Variants in SLCO3A1 observed in about 807,000 individuals in gnomAD.
The protein encoded by SLCO3A1 is solute carrier organic anion transporter family member 3A1, also known as PGE1 transporter.
In SLCO3A1, 27 loss-of-function variants were observed where a neutral mutation model predicts 63.1. The ratio of observed to expected loss-of-function variants is 0.43; its 90% CI spans 0.32 to 0.59. The LOEUF is 0.59. Ranked by LOEUF, SLCO3A1 falls within the 20% of genes least tolerant of loss-of-function variation. SLCO3A1 has a pLI of 0.09. For missense variants in SLCO3A1, 773 were observed against 945.8 expected, an observed-to-expected ratio of 0.82 and a Z score of 2.40; for synonymous variants, 473 against 409.9, an observed-to-expected ratio of 1.15 and a Z score of -1.86.
intron 9 of SLCO3A1, among the ~76,000 whole-genome samples, chr15:92,161,273 C>A (rs530420670): frequency 1.3e-5 from 2 of 152,310 alleles, no homozygotes; most frequent in African/African-American, 4.8e-5. Flanking sequence ...ACACTCTCCC[C>A]CTTCACTCAG....
chr15:92,085,086 A>G (rs2047389436), intron 2 of SLCO3A1, among the ~76,000 whole-genome samples: 2 of 152,194 alleles, frequency 1.3e-5, no homozygotes, highest in East Asian at 1.9e-4. Flanking sequence ...GTAGCACACT[A>G]CTTTTCAGAT....
At chr15:92,121,771 C>T (rs543648955) in intron 5 of SLCO3A1, among the ~76,000 whole-genome samples, 3 of 152,278 alleles carry the variant, frequency 2.0e-5, no homozygotes, top group African/African-American at 7.2e-5. Context: ...AAAAGAAATG[C>T]AGAGAATGTG....
At chr15:92,018,923 G>C (rs574098408) in intron 2 of SLCO3A1, among the ~76,000 whole-genome samples, 1 of 152,296 alleles carries the variant, frequency 6.6e-6, no homozygotes, top group African/African-American at 2.4e-5. Flanking sequence ...CTCCCCTGGT[G>C]CTGGGCCTGG....
At chr15:92,029,389 T>C (rs186938250) in intron 2 of SLCO3A1, among the ~76,000 whole-genome samples, 345 of 152,256 alleles carry the variant, frequency 2.3e-3, no homozygotes, top group African/African-American at 7.3e-3. Flanking sequence ...ATTAAAGATG[T>C]TTGCACTGGA....
At chr15:92,102,300 G>A (rs938985001) in intron 3 of SLCO3A1, among the ~76,000 whole-genome samples, 2 of 152,124 alleles carry the variant, frequency 1.3e-5, no homozygotes, top group East Asian at 3.9e-4. Context: ...ATGCTTTCAA[G>A]ATCACCTTGT....
intron 2 of SLCO3A1, among the ~76,000 whole-genome samples, chr15:91,989,899 C>A (rs28491090): frequency 0.055 from 8,410 of 152,158 alleles, 788 homozygotes; most frequent in African/African-American, 0.19. Flanking sequence ...AAATATTTGC[C>A]AAGAGAGTAG....
chr15:91,873,401 G>T (rs80313291), intron 1 of SLCO3A1, among the ~76,000 whole-genome samples: 1,993 of 152,128 alleles, frequency 0.013, 74 homozygotes, highest in Admixed American at 0.065. Context: ...CCCCACTTTT[G>T]TTTTTAATTC....
intron 2 of SLCO3A1, among the ~76,000 whole-genome samples, chr15:92,090,857 A>C (rs2047464449): frequency 6.6e-6 from 1 of 152,152 alleles, no homozygotes; most frequent in Non-Finnish European, 1.5e-5. Flanking sequence ...GAGGTTTGCA[A>C]ATAGGAGGTC....
intron 2 of SLCO3A1, among the ~76,000 whole-genome samples, chr15:92,006,516 G>T: frequency 6.6e-6 from 1 of 152,158 alleles, no homozygotes; most frequent in East Asian, 1.9e-4. Context: ...GAGTGCTGGG[G>T]TTCATGCTGG....
Position 92,120,487 on chromosome 15 carries a change from C to T in SLCO3A1, c.1032C>T (p.His344=), listed in dbSNP as rs781204233. The T allele has an allele frequency of 2.5e-6, 4 of 1,614,030 alleles. No individual in the cohort carries two copies. The highest frequency in any genetic ancestry group is 2.2e-5 in the South Asian group (2 of 91,086). ...QLRVIPKVTK[H]LLSNPVFTCI... ...CAGTGATCCCGAAGGTCACCAAGCACCTGCTCTCAAACCCTGTGTTCACCT... is the reference window on the plus strand; with the variant it reads ...CAGTGATCCCGAAGGTCACCAAGCATCTGCTCTCAAACCCTGTGTTCACCT... The change falls in exon 5 of 10, where the codon CAC becomes CAT. Residue 344 remains histidine, a synonymous_variant. Coordinates refer to ENST00000318445, the MANE Select transcript of SLCO3A1 (RefSeq NM_013272.4).
At chr15:92,099,849 G>T (rs1013836548) in intron 3 of SLCO3A1, among the ~76,000 whole-genome samples, 5 of 152,036 alleles carry the variant, frequency 3.3e-5, no homozygotes, top group Non-Finnish European at 7.4e-5. Context: ...ATCACCTGAG[G>T]TCAGGAGTTT....
chr15:91,956,761 G>T (rs1370088340), intron 2 of SLCO3A1, among the ~76,000 whole-genome samples: 1 of 146,990 alleles, frequency 6.8e-6, no homozygotes, highest in South Asian at 2.2e-4. Flanking sequence ...CCCTGGACTT[G>T]CTGTGGCCTT....
intron 2 of SLCO3A1, among the ~76,000 whole-genome samples, chr15:91,997,405 C>G (rs1437938287): frequency 6.6e-6 from 1 of 152,142 alleles, no homozygotes; most frequent in Non-Finnish European, 1.5e-5. Context: ...TTGGAAGAAT[C>G]AATATTGTTA....
chr15:92,051,409 C>A (rs539892719), intron 2 of SLCO3A1, among the ~76,000 whole-genome samples: 1 of 152,268 alleles, frequency 6.6e-6, no homozygotes, highest in East Asian at 1.9e-4. Context: ...GGCATTTAGA[C>A]TTCATCTTGT....
chr15:91,977,439 A>C (rs577655674), intron 2 of SLCO3A1, among the ~76,000 whole-genome samples: 58 of 152,294 alleles, frequency 3.8e-4, no homozygotes, highest in African/African-American at 1.3e-3. Context: ...CAGTTCAGTC[A>C]GTTTGGGGTT....
At chr15:91,918,763 G>A (rs1898744421) in intron 2 of SLCO3A1, among the ~76,000 whole-genome samples, 1 of 152,212 alleles carries the variant, frequency 6.6e-6, no homozygotes, top group Non-Finnish European at 1.5e-5. Flanking sequence ...GTAGCCCACT[G>A]AACAGGATTG....
chr15:92,028,653 T>C (rs539722226), intron 2 of SLCO3A1, among the ~76,000 whole-genome samples: 27 of 152,184 alleles, frequency 1.8e-4, no homozygotes, highest in African/African-American at 6.5e-4. Flanking sequence ...AATATAATCG[T>C]TTTAAGCTAG....
At chr15:92,059,926 C>T (rs1296797689) in intron 2 of SLCO3A1, among the ~76,000 whole-genome samples, 1 of 152,174 alleles carries the variant, frequency 6.6e-6, no homozygotes, top group Non-Finnish European at 1.5e-5. Flanking sequence ...GATGGTGTAT[C>T]CTACCGTACA....
chr15:92,146,291 G>T (rs745330449), intron 7 of SLCO3A1, among the ~76,000 whole-genome samples: 5 of 152,146 alleles, frequency 3.3e-5, no homozygotes, highest in Non-Finnish European at 5.9e-5. Flanking sequence ...AATCCACCCC[G>T]AAGATCAAAT....
Sources: allele counts gnomAD v4.1 joint callset (sites outside exome capture counted in the v4.1 genomes callset), GRCh38; gene constraint gnomAD v4.1.1; transcripts MANE v1.5; gene names NCBI Gene and HGNC (gene_info 2026-07-23, HGNC 2026-07-21).